ABHD6: variants seen among roughly 807,000 people sequenced by gnomAD.
ABHD6 encodes abhydrolase domain containing 6, acylglycerol lipase, also known as monoacylglycerol lipase ABHD6.
Under a neutral mutation model 38.8 loss-of-function variants are expected in ABHD6, and 33 were observed. The ratio of observed to expected loss-of-function variants is 0.85; its 90% confidence interval spans 0.64 to 1.14. The LOEUF (loss-of-function observed/expected upper bound fraction) is 1.14, where lower values mean the gene tolerates loss of function less well. Among genes scored for constraint, ABHD6 ranks in the 50% most tolerant of loss-of-function variants. The pLI is 0.00. For synonymous variants in ABHD6, 147 were observed against 161.6 expected, an observed-to-expected ratio of 0.91 and a Z score of 0.69; for missense variants, 380 against 422.6, an observed-to-expected ratio of 0.90 and a Z score of 0.88.
intron 6 of ABHD6, among the ~76,000 whole-genome samples, chr3:58,272,053 C>T (rs1402878489): frequency 1.3e-5 from 2 of 152,178 alleles, no homozygotes. Context: ...ATCTGCCCGC[C>T]TCCACCTCCC....
At chr3:58,292,620 T>C (rs1026275249) in intron 9 of ABHD6, among the ~76,000 whole-genome samples, 1 of 152,054 alleles carries the variant, frequency 6.6e-6, no homozygotes, top group African/African-American at 2.4e-5. Flanking sequence ...CCAGAGGACC[T>C]TCAAAGAGAC....
At chr3:58,244,395 G>A (rs2107414581) in intron 1 of ABHD6, among the ~76,000 whole-genome samples, 1 of 152,148 alleles carries the variant, frequency 6.6e-6, no homozygotes, top group East Asian at 1.9e-4. Context: ...CTTTATGATA[G>A]CACAGTGATG....
Position 58,247,668 on chromosome 3 carries a change from G to A in ABHD6, c.-90-2210G>A, listed in dbSNP as rs186636095. 3.9e-3 allele frequency among the ~76,000 whole-genome samples: 600 copies of A among 152,070 alleles called. 1 individual carries two copies. Among genetic ancestry groups the A allele is most frequent in the Middle Eastern group, 0.014 (4 of 294 alleles). Reference sequence around the variant, plus strand: ...CTCGGCTCATTGCAACCTCCACCTCGCGGTCAAGCAATCCTTGTGCCTCAG... The same window carrying A: ...CTCGGCTCATTGCAACCTCCACCTCACGGTCAAGCAATCCTTGTGCCTCAG... On this transcript the variant is annotated intron_variant, in intron 1 of 9. Transcript: ENST00000478253.
intron 9 of ABHD6, among the ~76,000 whole-genome samples, chr3:58,292,263 A>G (rs1419832929): frequency 1.3e-5 from 2 of 152,192 alleles, no homozygotes; most frequent in Non-Finnish European, 2.9e-5. Flanking sequence ...CTTGGTTTTA[A>G]TAATTTGAGT....
In ABHD6 at chr3:58,259,374, A is replaced by C. The variant is rs1264606311; in HGVS notation, c.119+2669A>C. ...TTAAAATTCACATAACATAAAAGTC[A>C]CCATTTTAAAGTGTACAATTCAAGG... On this transcript the variant is annotated intron_variant, in intron 3 of 9. Coordinates refer to ENST00000478253, the MANE Select transcript of ABHD6 (RefSeq NM_001320126.2). This position sits in a 1 kb window ranked among gnomAD's most constrained non-coding sequence, Gnocchi z 4.7. 6.6e-6 allele frequency among the ~76,000 whole-genome samples: 1 copy of C among 152,190 alleles called. No homozygotes were observed. Among genetic ancestry groups the C allele is most frequent in the South Asian group, 2.1e-4 (1 of 4,826 alleles).
rs367838469 is a variant in ABHD6, at chr3:58,251,840, C to A, written c.-26+1898C>A. On this transcript the variant is annotated intron_variant, in intron 2 of 9. Transcript: ENST00000478253. This position sits in a 1 kb window ranked among gnomAD's most constrained non-coding sequence, Gnocchi z 5.4. ...TTCTTTTTCAGTGTATTCAGTCAGG[C>A]GATAAACATGATCAAGCACCAAGTC... Among the ~76,000 whole-genome samples the A allele has an allele frequency of 1.4e-4, 22 of 152,252 alleles. No homozygotes were observed. Among genetic ancestry groups the A allele is most frequent in the African/African-American group, 5.1e-4 (21 of 41,540 alleles).
At chr3:58,288,126 G>A (rs1484702924) in intron 9 of ABHD6, among the ~76,000 whole-genome samples, 1 of 152,056 alleles carries the variant, frequency 6.6e-6, no homozygotes, top group African/African-American at 2.4e-5. Flanking sequence ...ACTGTCCCTG[G>A]GACAGAGGCC....
At chr3:58,240,764 T>A (rs1006601205) in intron 1 of ABHD6, among the ~76,000 whole-genome samples, 4 of 148,970 alleles carry the variant, frequency 2.7e-5, no homozygotes, top group Admixed American at 2.0e-4. Flanking sequence ...GGAGTCTTGC[T>A]CTGTCGCCCA....
chr3:58,270,055 A>G (rs925189225), intron 5 of ABHD6, among the ~76,000 whole-genome samples: 1 of 152,214 alleles, frequency 6.6e-6, no homozygotes, highest in Non-Finnish European at 1.5e-5. Context: ...TGTTTTCAGC[A>G]TCTAATCATA....
rs2097433696 is a variant in ABHD6, at chr3:58,256,797, A to T, written c.119+92A>T. 9.5e-7 allele frequency: 1 copy of T among 1,049,620 alleles called. No homozygotes were observed. The allele number at this position is 1,049,620 out of a possible 1,614,324, so 65.0% of individuals were successfully genotyped here. The stretch of plus-strand genomic sequence containing the variant: ...TTTTGTGGTTATTGTCCAACATTTT[A>T]TCAGGAAGTATTTCAGACAGAGAGA... On this transcript the variant is annotated intron_variant, in intron 3 of 9. Coordinates refer to ENST00000478253, the MANE Select transcript of ABHD6 (RefSeq NM_001320126.2). The surrounding 1 kb of genome is among the most constrained non-coding windows in gnomAD (Gnocchi z 4.3).
chr3:58,285,482 T>G lies in ABHD6; in HGVS notation c.837+29T>G. 6.3e-7 allele frequency: 1 copy of G among 1,591,870 alleles called. No homozygotes were observed. The highest frequency in any genetic ancestry group is 1.3e-5 in the African/African-American group (1 of 74,536). ...TGTAACACATCCCCGCGGCAGTCTG[T>G]GCTGGTCACCAGGGCCTCTGAGGAA... On this transcript the variant is annotated intron_variant, in intron 9 of 9. Transcript: ENST00000478253. This position sits in a 1 kb window ranked among gnomAD's most constrained non-coding sequence, Gnocchi z 4.9.
In ABHD6 at chr3:58,285,317, C is replaced by T. The variant is rs190436600; in HGVS notation, c.737-36C>T. Reference sequence around the variant, plus strand: ...CTGCGGTGGTGCCACAGGCACAGTCCAGCACATACTCACTTTGTTTTCCTT... The same window carrying T: ...CTGCGGTGGTGCCACAGGCACAGTCTAGCACATACTCACTTTGTTTTCCTT... On this transcript the variant is annotated intron_variant, in intron 8 of 9. Coordinates refer to ENST00000478253, the MANE Select transcript of ABHD6 (RefSeq NM_001320126.2). The surrounding 1 kb of genome is among the most constrained non-coding windows in gnomAD (Gnocchi z 4.9). 3,765 of 1,602,022 alleles carry T rather than the reference C, an allele frequency of 2.4e-3. 7 individuals are homozygous for T. Among genetic ancestry groups the T allele is most frequent in the Non-Finnish European group, 2.5e-3 (2,959 of 1,169,084 alleles).
chr3:58,241,902 G>A (rs2097423078), intron 1 of ABHD6, among the ~76,000 whole-genome samples: 1 of 152,168 alleles, frequency 6.6e-6, no homozygotes, highest in Admixed American at 6.5e-5. Flanking sequence ...ATTCTAAGAG[G>A]TTAGGTCACT....
intron 1 of ABHD6, among the ~76,000 whole-genome samples, chr3:58,248,701 A>AG (rs2097428039): frequency 6.6e-6 from 1 of 152,212 alleles, no homozygotes; most frequent in South Asian, 2.1e-4. Flanking sequence ...TCTATCTCAA[A>AG]GAAAAAAAAA....
At position 58,293,848 on chromosome 3, in the gene ABHD6, T is replaced by A. The variant is rs2097465303; in HGVS notation, c.*83T>A. The stretch of plus-strand genomic sequence containing the variant: ...ACGCAGCCACCACTCTCAGGGATCC[T>A]GCCCCAAATGCGGTCGGAGCGCCAG... On this transcript the variant is annotated 3_prime_UTR_variant, in exon 10 of 10. Coordinates refer to ENST00000478253, the MANE Select transcript of ABHD6 (RefSeq NM_001320126.2). This position sits in a 1 kb window ranked among gnomAD's most constrained non-coding sequence, Gnocchi z 4.4. The A allele has an allele frequency of 6.7e-7, 1 of 1,492,968 alleles. No homozygotes were observed. The highest frequency in any genetic ancestry group is 1.9e-5 in the Admixed American group (1 of 51,894). 92.5% of individuals were successfully genotyped at this position (1,492,968 alleles called of 1,614,324 possible). A position where few individuals can be genotyped will look rare whatever the true frequency, so the allele number is the denominator to read the frequency against.
At chr3:58,277,066 C>A (rs1388026081) in intron 7 of ABHD6, among the ~76,000 whole-genome samples, 2 of 152,076 alleles carry the variant, frequency 1.3e-5, no homozygotes, top group African/African-American at 4.8e-5. Context: ...CAGCTTTGTT[C>A]TTTTTGCTTA....
At chr3:58,275,984 A>G (rs1020735101) in intron 7 of ABHD6, among the ~76,000 whole-genome samples, 3 of 152,130 alleles carry the variant, frequency 2.0e-5, no homozygotes, top group Admixed American at 6.5e-5. Context: ...CATGGTCTGT[A>G]TGTGTCACAT....
intron 1 of ABHD6, among the ~76,000 whole-genome samples, chr3:58,242,983 G>C (rs540905608): frequency 1.3e-5 from 2 of 152,034 alleles, no homozygotes; most frequent in African/African-American, 4.8e-5. Flanking sequence ...TTGGTTTTCT[G>C]TCCTTGGAAT....
At chr3:58,284,489 C>T (rs1191366551) in intron 7 of ABHD6, among the ~76,000 whole-genome samples, 2 of 150,190 alleles carry the variant, frequency 1.3e-5, no homozygotes, top group African/African-American at 4.9e-5. Context: ...GTCTCACTGT[C>T]GCCCAGGTTG....
Sources: allele counts gnomAD v4.1 joint callset (sites outside exome capture counted in the v4.1 genomes callset), GRCh38; gene constraint gnomAD v4.1.1; non-coding constraint Gnocchi (gnomAD v3.1); transcripts MANE v1.5; gene names NCBI Gene and HGNC (gene_info 2026-07-23, HGNC 2026-07-21).